Variants in TONSL observed in about 807,000 individuals in gnomAD.
The protein encoded by TONSL is tonsoku like, DNA repair protein.
TONSL carries 112 observed loss-of-function variants against 147.1 expected under a neutral mutation model. That is an observed-to-expected ratio of 0.76 (90% CI 0.65 to 0.89). The LOEUF is 0.89. Ranked by LOEUF, TONSL falls within the 40% of genes least tolerant of loss-of-function variation. TONSL has a pLI of 0.00. For synonymous variants in TONSL, 868 were observed against 801.5 expected (o/e 1.08, Z -1.40); for missense variants, 1,883 against 1,864.6 (o/e 1.01, Z -0.18).
intron 13 of TONSL, among the ~76,000 whole-genome samples, chr8:144,437,500 G>C (rs908796441): frequency 2.0e-4 from 31 of 151,270 alleles, no homozygotes; most frequent in South Asian, 2.1e-4. Context: ...TTTGAGACCA[G>C]CCAGGCTGGT....
Position 144,442,677 on chromosome 8 carries a change from T to G in TONSL, c.578A>C (p.Glu193Ala), listed in dbSNP as rs913898556. The part of the protein sequence containing the change: ...DYFRKSIFLA[E>A]QNHLYEDLFR... Reference sequence around the variant, plus strand: ...CTCCTGGGGCGGGGCAGGGCCTTACTCCGCAAGGAAGATGCTCTTCCTGAA... The same window carrying G: ...CTCCTGGGGCGGGGCAGGGCCTTACGCCGCAAGGAAGATGCTCTTCCTGAA... The change falls in exon 5 of 26, where the codon GAG (glutamate) becomes GCG (alanine). Residue 193 changes from glutamate (E) to alanine (A), a missense_variant and splice_region_variant. Coordinates refer to ENST00000409379, the MANE Select transcript of TONSL (RefSeq NM_013432.5). 1.9e-6 allele frequency: 3 copies of G among 1,612,240 alleles called. No homozygotes were observed. The highest frequency in any genetic ancestry group is 2.5e-6 in the Non-Finnish European group (3 of 1,179,646).
chr8:144,439,191 C>T (rs1014745118), intron 11 of TONSL, among the ~76,000 whole-genome samples: 3 of 152,170 alleles, frequency 2.0e-5, no homozygotes, highest in African/African-American at 7.2e-5. Context: ...GCAGCCTCCA[C>T]CCTGCCTAGG....
chr8:144,443,461 C>T (rs1189039577), intron 3 of TONSL, 140 bp from the exon 4 acceptor site: 2 of 774,550 alleles, frequency 2.6e-6, no homozygotes, highest in Admixed American at 2.8e-5. Flanking sequence ...AGGCCAGACA[C>T]GTGCCCCTCC....
chr8:144,434,804 C>A lies in TONSL; in HGVS notation c.3085+7G>T, dbSNP rs1040824292. 1 of 1,612,998 alleles carries A rather than the reference C, an allele frequency of 6.2e-7. No homozygotes were observed. Among genetic ancestry groups the A allele is most frequent in the African/African-American group, 1.3e-5 (1 of 74,938 alleles). On this transcript the variant is annotated splice_region_variant and intron_variant, in intron 20 of 25. Coordinates refer to ENST00000409379, the MANE Select transcript of TONSL (RefSeq NM_013432.5). ...CACCCAGAAACTGCAGCTCTCCTGG[C>A]CCTCACCTTGCCCCAGGCTCTGGCA...
intron 19 of TONSL, 36 bp from the exon 20 acceptor site, chr8:144,434,925 C>G: frequency 6.2e-7 from 1 of 1,612,418 alleles, no homozygotes; most frequent in Non-Finnish European, 8.5e-7. Flanking sequence ...TGGGGGCTCC[C>G]CCGGCTCACC....
At chr8:144,442,190 C>T (rs750210427) in intron 6 of TONSL, 39 bp from the exon 7 acceptor site, 14 of 1,596,204 alleles carry the variant, frequency 8.8e-6, no homozygotes, top group Non-Finnish European at 1.1e-5. Flanking sequence ...GCAGAATCCC[C>T]AAGGCCCGAA....
At position 144,436,153 on chromosome 8, in the gene TONSL, A is replaced by G; in HGVS notation, c.2280T>C (p.Pro760=). ...AGPARPSQKR[P]RCSATAQRVA... Reference sequence around the variant, plus strand: ...CCCGTTGTGCTGTGGCCGAGCACCGAGGCCTCTTCTGGGACGGCCGTGCGG... The same window carrying G: ...CCCGTTGTGCTGTGGCCGAGCACCGGGGCCTCTTCTGGGACGGCCGTGCGG... Residue 760 remains proline, a synonymous_variant, in exon 17 of 26, where the codon CCT becomes CCC. Coordinates refer to ENST00000409379, the MANE Select transcript of TONSL (RefSeq NM_013432.5). 3 of 1,571,942 alleles carry G rather than the reference A, an allele frequency of 1.9e-6. No homozygotes were observed. Among genetic ancestry groups the G allele is most frequent in the Non-Finnish European group, 2.6e-6 (3 of 1,165,666 alleles).
At chr8:144,441,139 G>T (rs761217297) in intron 7 of TONSL, 28 bp from the exon 8 acceptor site, 3 of 1,609,836 alleles carry the variant, frequency 1.9e-6, no homozygotes, top group Non-Finnish European at 2.5e-6. Context: ...ATGCAGGGGG[G>T]CAGCACAGGG....
chr8:144,432,337 G>T lies in TONSL; in HGVS notation c.3683C>A (p.Ala1228Asp), dbSNP rs781930561. Residue 1228 changes from alanine to aspartate, a missense_variant, in exon 23 of 26, where the codon GCC becomes GAC. By Grantham distance (126) the Ala-to-Asp change is moderately radical. Transcript: ENST00000409379. Reference sequence around the variant, plus strand: ...CATGAGGTCCGAATCACCCTTGCCGGCTGCCACGGAGCTGAGCTCTAAGTG... The same window carrying T: ...CATGAGGTCCGAATCACCCTTGCCGTCTGCCACGGAGCTGAGCTCTAAGTG... Reference protein sequence around the residue: ...LLHLELSSVAAGKGDSDLMEP... With the variant: ...LLHLELSSVADGKGDSDLMEP... 4 of 1,613,582 alleles carry T rather than the reference G, an allele frequency of 2.5e-6. No individual in the cohort carries two copies. Among genetic ancestry groups the T allele is most frequent in the Non-Finnish European group, 3.4e-6 (4 of 1,179,884 alleles).
rs561356988 is a variant in TONSL, at chr8:144,429,233, C to A, written c.4047G>T (p.Arg1349Ser). 88 of 1,535,434 alleles carry A rather than the reference C, an allele frequency of 5.7e-5. 3 individuals are homozygous for A. In the Admixed American group the frequency reaches 1.3e-3, roughly 23 times the overall value. Residue 1349 changes from arginine (R) to serine (S), a missense_variant, in exon 26 of 26, where the codon AGG (arginine) becomes AGT (serine). Coordinates refer to ENST00000409379, the MANE Select transcript of TONSL (RefSeq NM_013432.5). ...TGGGCTGCAGCTGGCGCAGGGCGTC[C>A]CTGTCCTCAGCGCAGAGGCGTCTGC... ...LCSRRLCAED[R>S]DALRQLQPSR...
In TONSL at chr8:144,436,212, T is replaced by G; in HGVS notation, c.2221A>C (p.Ser741Arg). 6.4e-7 allele frequency: 1 copy of G among 1,565,870 alleles called. No homozygotes were observed. The highest frequency in any genetic ancestry group is 2.3e-5 in the East Asian group (1 of 44,226). The change falls in exon 17 of 26, where the codon AGC becomes CGC. Residue 741 changes from serine (S) to arginine (R), a missense_variant. Transcript: ENST00000409379. The stretch of plus-strand genomic sequence containing the variant: ...CTGTCCTCGCCTTCTGAGCTGCTGC[T>G]GCTGCTGGCTGGCCCATGCCTGCTC... The part of the protein sequence containing the change: ...RRSRHGPASS[S>R]SSSEGEDSAG...
At position 144,442,789 on chromosome 8, in the gene TONSL, C is replaced by A. The variant is rs752523345; in HGVS notation, c.466G>T (p.Glu156Ter). ...AGGCGGGTCCTCATCTCATTCAGCT[C>A]TCCCTGGGCCAGTGTCCCTGGAAGA... ...EELEGTLAQGELNEMRTRLYL... is the reference protein window; with the variant it reads ...EELEGTLAQG Residue 156 changes from glutamate (E) to a stop codon, truncating the protein, a stop_gained, in exon 5 of 26, where the codon GAG becomes TAG. Transcript: ENST00000409379. LOFTEE classifies it high-confidence loss of function. The A allele has an allele frequency of 5.0e-6, 8 of 1,612,088 alleles. No individual in the cohort carries two copies. Among genetic ancestry groups the A allele is most frequent in the Non-Finnish European group, 6.8e-6 (8 of 1,179,620 alleles).
chr8:144,437,818 C>G (rs1301124224), intron 13 of TONSL: 1 of 155,052 alleles, frequency 6.4e-6, no homozygotes, highest in Admixed American at 6.3e-5. Context: ...GTTAGCCAGA[C>G]TGGTCTCAAA....
chr8:144,437,277 CT>C (rs1258866249), intron 13 of TONSL, among the ~76,000 whole-genome samples, 178 bp from the exon 14 acceptor site: 4 of 152,244 alleles, frequency 2.6e-5, no homozygotes, highest in Non-Finnish European at 4.4e-5. Flanking sequence ...ATGCTTCCCC[CT>C]GAGACAGGTG....
Position 144,442,365 on chromosome 8 carries a change from C to T in TONSL, c.626G>A (p.Gly209Asp). 2 of 1,584,574 alleles carry T rather than the reference C, an allele frequency of 1.3e-6. No individual in the cohort carries two copies. Among genetic ancestry groups the T allele is most frequent in the South Asian group, 1.1e-5 (1 of 89,252 alleles). The change falls in exon 6 of 26, where the codon GGC becomes GAC. Residue 209 changes from glycine to aspartate, a missense_variant. By Grantham distance (94) the Gly-to-Asp change is moderately conservative (BLOSUM62 -1). Coordinates refer to ENST00000409379, the MANE Select transcript of TONSL (RefSeq NM_013432.5). The stretch of plus-strand genomic sequence containing the variant: ...CTGGCCCGCGCGCCAGTGGATGGTG[C>T]CCAGGTTGTAGCGGGCGCGGAATAG... ...EDLFRARYNL[G>D]TIHWRAGQHS...
chr8:144,435,888 G>T lies in TONSL; in HGVS notation c.2545C>A (p.Arg849Ser). 1.3e-6 allele frequency: 2 copies of T among 1,598,574 alleles called. No individual in the cohort carries two copies. The highest frequency in any genetic ancestry group is 8.6e-7 in the Non-Finnish European group (1 of 1,169,184). The change falls in exon 17 of 26, where the codon CGC becomes AGC. Residue 849 changes from arginine (R) to serine (S), a missense_variant. Coordinates refer to ENST00000409379, the MANE Select transcript of TONSL (RefSeq NM_013432.5). Reference protein sequence around the residue: ...DMPLTRSRRPRPRGTGDNRRP... With the variant: ...DMPLTRSRRPSPRGTGDNRRP... ...CGGTTGTCTCCAGTGCCCCGGGGGCGGGGCCGGCGGCTGCGGGTCAGGGGC... is the reference window on the plus strand; with the variant it reads ...CGGTTGTCTCCAGTGCCCCGGGGGCTGGGCCGGCGGCTGCGGGTCAGGGGC...
rs1156410886 is a variant in TONSL, at chr8:144,435,520, G to A, written c.2806C>T (p.Arg936Ter). The A allele has an allele frequency of 1.7e-5, 26 of 1,550,222 alleles. No individual in the cohort carries two copies. The highest frequency in any genetic ancestry group is 4.8e-5 in the South Asian group (4 of 84,154). Residue 936 changes from arginine to a stop codon, truncating the protein, a stop_gained, in exon 18 of 26, where the codon CGA (arginine) becomes TGA (stop). Transcript: ENST00000409379. LOFTEE classifies it high-confidence loss of function. ...AAGAGATGATCCTGAACTTGAACTC[G>A]AACCCGGATGGGAGGGGGCGGGGCC... is the stretch of plus-strand genomic sequence containing the variant. ...GPAPPPPIRVRVQVQDHLFLI... is the reference protein window; with the variant it reads ...GPAPPPPIRV
At chr8:144,442,901 C>A (rs979472375) in intron 4 of TONSL, 95 bp from the exon 5 acceptor site, 4 of 1,462,986 alleles carry the variant, frequency 2.7e-6, no homozygotes, top group African/African-American at 1.4e-5. Context: ...GCCTCTCCTA[C>A]CCCCTCCCTC....
In TONSL at chr8:144,440,224, G is replaced by A. The variant is rs573710836; in HGVS notation, c.1291-14C>T. 47 of 1,583,716 alleles carry A rather than the reference G, an allele frequency of 3.0e-5. No homozygotes were observed. In the Admixed American group the frequency reaches 4.5e-4, roughly 15 times the overall value. The stretch of plus-strand genomic sequence containing the variant: ...CAAGACCTGCCTCTGAGGAGCAGAG[G>A]GATGCTCAGCTCAGGACTGGGGGCT... On this transcript the variant is annotated splice_polypyrimidine_tract_variant and intron_variant, in intron 10 of 25. Coordinates refer to ENST00000409379, the MANE Select transcript of TONSL (RefSeq NM_013432.5).
Sources: gnomAD v4.1 joint callset for allele counts (sites outside exome capture counted in the v4.1 genomes callset) on GRCh38, gnomAD v4.1.1 for gene constraint, MANE v1.5 for transcripts, NCBI Gene and HGNC (gene_info 2026-07-23, HGNC 2026-07-21) for gene names.